Variants in GFRA1 observed in about 807,000 individuals in gnomAD.
GFRA1 encodes the protein GDNF family receptor alpha 1.
A neutral mutation model predicts 51.6 loss-of-function variants in GFRA1; 16 were observed. The observed-to-expected ratio is 0.31, with a 90% CI of 0.21 to 0.47. The LOEUF is 0.47. Ranked by LOEUF, GFRA1 falls within the 20% of genes least tolerant of loss-of-function variation. The pLI, the probability that GFRA1 is intolerant of heterozygous loss-of-function variation, is 1.00. For synonymous variants in GFRA1, 270 were observed against 241.3 expected, an observed-to-expected ratio of 1.12 and a Z score of -1.10; for missense variants, 530 against 594.3, an observed-to-expected ratio of 0.89 and a Z score of 1.13.
chr10:116,172,901 A>G (rs1565626847), intron 5 of GFRA1, among the ~76,000 whole-genome samples: 2 of 152,192 alleles, frequency 1.3e-5, no homozygotes, highest in Admixed American at 6.5e-5. Flanking sequence ...GAAAATGCAT[A>G]GTCAGAAGCC....
chr10:116,099,230 T>C (rs1956723941), intron 6 of GFRA1, among the ~76,000 whole-genome samples: 1 of 152,196 alleles, frequency 6.6e-6, no homozygotes, highest in Non-Finnish European at 1.5e-5. Flanking sequence ...GTTAATAACA[T>C]TGCAGTGGTA....
intron 5 of GFRA1, among the ~76,000 whole-genome samples, chr10:116,186,213 TTGGGAAGGA>T (rs965774873): frequency 6.6e-6 from 1 of 152,166 alleles, no homozygotes; most frequent in African/African-American, 2.4e-5. Flanking sequence ...GTGACAGTCC[TTGGGAAGGA>T]GAGGTGCTTC....
chr10:116,160,795 C>T (rs1226342617), intron 5 of GFRA1, among the ~76,000 whole-genome samples: 1 of 152,228 alleles, frequency 6.6e-6, no homozygotes, highest in African/African-American at 2.4e-5. Flanking sequence ...ATGAATACAT[C>T]TGAATATCCA....
chr10:116,200,907 G>C (rs912257980), intron 5 of GFRA1, among the ~76,000 whole-genome samples: 5 of 152,296 alleles, frequency 3.3e-5, no homozygotes, highest in African/African-American at 9.6e-5. Flanking sequence ...TATGTGGAAC[G>C]CTCATTGACA....
At chr10:116,179,910 G>T (rs1211602911) in intron 5 of GFRA1, among the ~76,000 whole-genome samples, 1 of 152,156 alleles carries the variant, frequency 6.6e-6, no homozygotes. Flanking sequence ...TTAGCCCAGA[G>T]AGGTTGGTCC....
intron 7 of GFRA1, 81 bp downstream of exon 7, chr10:116,096,574 G>T: frequency 1.3e-6 from 1 of 782,054 alleles, no homozygotes. Context: ...CACTTCTGCA[G>T]ACATCAGCAA....
rs549240219 is a variant in GFRA1 at position 116,059,323 on chromosome 10, G to A, written c.*5075C>T. On this transcript the variant is annotated 3_prime_UTR_variant, in exon 11 of 11. Transcript: ENST00000355422. ...AAAGATCTCTGGCCAGTCTCCTGGCGCCCTACAGAAGAAAATTGGGGATTG... is the reference window on the plus strand; with the variant it reads ...AAAGATCTCTGGCCAGTCTCCTGGCACCCTACAGAAGAAAATTGGGGATTG... The A allele has an allele frequency of 3.9e-5, 6 of 152,356 alleles. No homozygotes were observed. The highest frequency in any genetic ancestry group is 9.6e-5 in the African/African-American group (4 of 41,576). The allele number at this position is 152,356 out of a possible 1,614,324, so 9.4% of individuals were successfully genotyped here. A position where few individuals can be genotyped will look rare whatever the true frequency, so the allele number is the denominator to read the frequency against.
At chr10:116,178,122 T>C (rs78491197) in intron 5 of GFRA1, among the ~76,000 whole-genome samples, 2,201 of 152,362 alleles carry the variant, frequency 0.014, 21 homozygotes, top group Middle Eastern at 0.054. Flanking sequence ...CTGCCTGTCG[T>C]GTTCCTAAGG....
chr10:116,218,949 T>A (rs1965745288), intron 4 of GFRA1, among the ~76,000 whole-genome samples: 1 of 152,146 alleles, frequency 6.6e-6, no homozygotes, highest in African/African-American at 2.4e-5. Flanking sequence ...TGCCTGTCAC[T>A]GTTGTACCTC....
At chr10:116,253,336 G>A (rs560533335) in intron 4 of GFRA1, among the ~76,000 whole-genome samples, 4 of 152,320 alleles carry the variant, frequency 2.6e-5, no homozygotes, top group South Asian at 4.1e-4. Flanking sequence ...GACCAGTTGC[G>A]GTGGCTCATG....
chr10:116,130,982 G>A (rs1958080428), intron 5 of GFRA1, among the ~76,000 whole-genome samples: 1 of 152,064 alleles, frequency 6.6e-6, no homozygotes, highest in Non-Finnish European at 1.5e-5. Flanking sequence ...AAAATGAATA[G>A]ACAAACCACA....
intron 5 of GFRA1, among the ~76,000 whole-genome samples, chr10:116,157,757 T>C (rs896635024): frequency 5.3e-5 from 8 of 152,204 alleles, no homozygotes; most frequent in African/African-American, 1.9e-4. Flanking sequence ...TTCCTTGCTA[T>C]AGAACTACCT....
intron 6 of GFRA1, among the ~76,000 whole-genome samples, chr10:116,120,553 C>G (rs1957600252): frequency 6.6e-6 from 1 of 152,102 alleles, no homozygotes; most frequent in Admixed American, 6.5e-5. Context: ...ACACTGCACT[C>G]CAGCCTAGGT....
At chr10:116,190,561 TC>T (rs1963160838) in intron 5 of GFRA1, among the ~76,000 whole-genome samples, 1 of 152,090 alleles carries the variant, frequency 6.6e-6, no homozygotes, top group Non-Finnish European at 1.5e-5. Flanking sequence ...CACCCTCCAC[TC>T]CATCTCCTCT....
chr10:116,273,906 C>T (rs1844126101), upstream of GFRA1, among the ~76,000 whole-genome samples: 1 of 152,106 alleles, frequency 6.6e-6, no homozygotes, highest in Non-Finnish European at 1.5e-5. Flanking sequence ...TCCACGCCAG[C>T]GCGTGCACAC....
intron 4 of GFRA1, among the ~76,000 whole-genome samples, chr10:116,225,718 G>C (rs7913391): frequency 6.6e-6 from 1 of 151,372 alleles, no homozygotes; most frequent in East Asian, 2.0e-4. Context: ...GCTCCCCAAG[G>C]AGCTGGGATT....
intron 6 of GFRA1, among the ~76,000 whole-genome samples, chr10:116,098,225 C>G (rs1956681773): frequency 6.6e-6 from 1 of 152,242 alleles, no homozygotes; most frequent in South Asian, 2.1e-4. Context: ...TCTCCCCAGA[C>G]AGGGCCATGT....
intron 5 of GFRA1, among the ~76,000 whole-genome samples, chr10:116,137,152 A>G (rs1377944024): frequency 1.3e-5 from 2 of 152,200 alleles, no homozygotes; most frequent in African/African-American, 4.8e-5. Flanking sequence ...GGCAGGCTAC[A>G]GGTCCGAATG....
intron 9 of GFRA1, among the ~76,000 whole-genome samples, chr10:116,071,024 C>T (rs1331990669): frequency 1.3e-5 from 2 of 152,202 alleles, no homozygotes; most frequent in Admixed American, 6.5e-5. Context: ...CTGCTCTGAG[C>T]CTGTGGGCTG....
Sources: gnomAD v4.1 joint callset for allele counts (sites outside exome capture counted in the v4.1 genomes callset) on GRCh38, gnomAD v4.1.1 for gene constraint, MANE v1.5 for transcripts, NCBI Gene and HGNC (gene_info 2026-07-23, HGNC 2026-07-21) for gene names.